The following ENTREP2 variants were observed in gnomAD, a reference collection of about 807,000 sequenced individuals.
ENTREP2 encodes the protein protein ENTREP2.
the ENTREP2 span, among the ~76,000 whole-genome samples, chr15:29,124,052 C>T: frequency 1.3e-5 from 2 of 152,084 alleles, no homozygotes; most frequent in African/African-American, 4.8e-5. Context: ...TGCCTTAAGA[C>T]CAGAACTGGG....
the ENTREP2 span, among the ~76,000 whole-genome samples, chr15:29,453,539 G>A: frequency 2.0e-5 from 3 of 152,186 alleles, no homozygotes; most frequent in Admixed American, 1.3e-4. Flanking sequence ...CACCCCCACC[G>A]GCCAGAGTGC....
chr15:29,223,348 C>T, the ENTREP2 span, among the ~76,000 whole-genome samples: 16 of 152,120 alleles, frequency 1.1e-4, no homozygotes, highest in Non-Finnish European at 5.9e-5. Context: ...GGCTTGGCTC[C>T]CGGCAGCCTC....
At chr15:29,419,932 G>T in the ENTREP2 span, among the ~76,000 whole-genome samples, 3 of 152,220 alleles carry the variant, frequency 2.0e-5, no homozygotes, top group Middle Eastern at 3.4e-3. Context: ...AAATGACCTA[G>T]AGAAAAACCC....
At chr15:29,476,564 AG>A in the ENTREP2 span, among the ~76,000 whole-genome samples, 1 of 152,232 alleles carries the variant, frequency 6.6e-6, no homozygotes, top group East Asian at 1.9e-4. Context: ...ACCACCAGGC[AG>A]GGCCAGACCT....
the ENTREP2 span, among the ~76,000 whole-genome samples, chr15:29,272,866 GACTGCATGTCTTCCA>G: frequency 3.3e-4 from 51 of 152,276 alleles, no homozygotes; most frequent in Admixed American, 3.3e-3. Context: ...TGAAAACCCT[GACTGCATGTCTTCCA>G]TAGACTGGCC....
chr15:29,613,045 G>A, the ENTREP2 span, among the ~76,000 whole-genome samples: 4 of 152,066 alleles, frequency 2.6e-5, no homozygotes, highest in Non-Finnish European at 4.4e-5. Context: ...GAATTTGCAC[G>A]TGGGCCCCAT....
the ENTREP2 span, among the ~76,000 whole-genome samples, chr15:29,323,046 A>G: frequency 1.3e-5 from 2 of 152,250 alleles, no homozygotes; most frequent in African/African-American, 4.8e-5. Context: ...AGAAGGAAAC[A>G]GAGAATACTC....
the ENTREP2 span, among the ~76,000 whole-genome samples, chr15:29,392,966 GA>G: frequency 6.6e-5 from 10 of 152,200 alleles, no homozygotes; most frequent in African/African-American, 2.4e-4. Context: ...CACTTGTTTA[GA>G]AAAGTTCAGT....
At chr15:29,419,819 A>G in the ENTREP2 span, among the ~76,000 whole-genome samples, 4 of 152,328 alleles carry the variant, frequency 2.6e-5, no homozygotes, top group South Asian at 6.2e-4. Flanking sequence ...CTAGAATTCT[A>G]TCACCAAGAA....
the ENTREP2 span, among the ~76,000 whole-genome samples, chr15:29,281,720 A>G: frequency 6.6e-6 from 1 of 152,204 alleles, no homozygotes; most frequent in Non-Finnish European, 1.5e-5. Flanking sequence ...AACTTGTGTG[A>G]ATTGGTTTGT....
the ENTREP2 span, chr15:29,265,141 G>A: frequency 6.6e-6 from 1 of 151,596 alleles, no homozygotes; most frequent in Non-Finnish European, 1.5e-5. Context: ...TATTTATAGG[G>A]GAAAAAAACT....
chr15:29,145,622 C>CAAAAAAAAAAA, the ENTREP2 span, among the ~76,000 whole-genome samples: 6 of 58,246 alleles, frequency 1.0e-4, no homozygotes, highest in African/African-American at 2.9e-4. Context: ...GACTCCATCT[C>CAAAAAAAAAAA]AAAAAAAAAA....
the ENTREP2 span, among the ~76,000 whole-genome samples, chr15:29,429,577 A>C: frequency 1.3e-5 from 2 of 152,204 alleles, no homozygotes; most frequent in Non-Finnish European, 2.9e-5. Context: ...TTGTACTTAC[A>C]TGTATACTCT....
chr15:29,470,921 T>G, the ENTREP2 span, among the ~76,000 whole-genome samples: 3 of 152,244 alleles, frequency 2.0e-5, no homozygotes, highest in African/African-American at 7.2e-5. Context: ...TTGTTTCACA[T>G]TAGCAACCAC....
At chr15:29,582,703 G>A in the ENTREP2 span, among the ~76,000 whole-genome samples, 1 of 151,964 alleles carries the variant, frequency 6.6e-6, no homozygotes, top group Admixed American at 6.5e-5. Context: ...TCAGCCTGGA[G>A]TGCAGTGGCA....
the ENTREP2 span, among the ~76,000 whole-genome samples, chr15:29,334,329 C>T: frequency 1.3e-5 from 2 of 152,160 alleles, no homozygotes; most frequent in African/African-American, 4.8e-5. Flanking sequence ...TCGGAGACTA[C>T]GCGACTCTTA....
the ENTREP2 span, chr15:29,126,377 G>A: frequency 6.5e-7 from 1 of 1,544,612 alleles, no homozygotes; most frequent in African/African-American, 1.4e-5. Flanking sequence ...CACATGGCCA[G>A]GGGGAAGGGC....
the ENTREP2 span, among the ~76,000 whole-genome samples, chr15:29,212,637 C>G: frequency 3.9e-5 from 6 of 152,152 alleles, no homozygotes; most frequent in Admixed American, 1.3e-4. Flanking sequence ...TATGAACTTG[C>G]CTCTTAGCAC....
chr15:29,393,400 C>T, the ENTREP2 span, among the ~76,000 whole-genome samples: 1 of 152,226 alleles, frequency 6.6e-6, no homozygotes, highest in Admixed American at 6.5e-5. Context: ...CAGTGGGCAC[C>T]AGGCTCAGCC....
Sources: gnomAD v4.1 joint callset for allele counts (sites outside exome capture counted in the v4.1 genomes callset) on GRCh38, gnomAD v4.1.1 for gene constraint, MANE v1.5 for transcripts, NCBI Gene and HGNC (gene_info 2026-07-23, HGNC 2026-07-21) for gene names.